Variants in ZNF496 observed in about 807,000 individuals in gnomAD.
ZNF496 encodes the protein zinc finger protein 496, also known as NSD1 (nuclear receptor binding SET-domain containing 1)-interacting zinc finger protein 1.
In ZNF496, 11 loss-of-function variants were observed where a neutral mutation model predicts 58.9. That is an observed-to-expected ratio of 0.19 (90% CI 0.12 to 0.31). The LOEUF is 0.31. ZNF496 is among the 10% of genes least tolerant of loss of function. ZNF496 has a pLI of 1.00. For missense variants in ZNF496, 660 were observed against 783.0 expected, an observed-to-expected ratio of 0.84 and a Z score of 1.88; for synonymous variants, 338 against 318.2, an observed-to-expected ratio of 1.06 and a Z score of -0.66.
intron 6 of ZNF496, among the ~76,000 whole-genome samples, chr1:247,314,850 G>A (rs765124424): frequency 4.6e-5 from 7 of 152,210 alleles, no homozygotes; most frequent in South Asian, 2.1e-4. Flanking sequence ...AGGTTCAAAT[G>A]ATTTTTGGGC....
Position 247,309,350 on chromosome 1 carries a change from A to G in ZNF496, c.892+349T>C. The G allele has an allele frequency of 7.3e-6, 8 of 1,095,370 alleles. No homozygotes were observed. Among genetic ancestry groups the G allele is most frequent in the Non-Finnish European group, 8.9e-6 (8 of 896,258 alleles). 67.9% of individuals were successfully genotyped at this position (1,095,370 alleles called of 1,614,324 possible). ...TGCGCTCGGTGCCCAGTTAGGAGACACTCCCTCTGCAACTAGGCTTGTCAT... is the reference window on the plus strand; with the variant it reads ...TGCGCTCGGTGCCCAGTTAGGAGACGCTCCCTCTGCAACTAGGCTTGTCAT... On this transcript the variant is annotated intron_variant, in intron 8 of 9. Transcript: ENST00000682384. This position sits in a 1 kb window ranked among gnomAD's most constrained non-coding sequence, Gnocchi z 4.3.
rs1426300323 is a variant in ZNF496 at position 247,329,282 on chromosome 1, C to T, written c.297G>A (p.Gln99=). ...CAGGCTCCTGCGCCCGCACCCAGCT[C>T]TGGATCTCCCGGGGCAGGATGGCCA... ...QFLAILPREI[Q]SWVRAQEPES... Residue 99 remains glutamine, a synonymous_variant, in exon 4 of 10, where the codon CAG becomes CAA. Coordinates refer to ENST00000682384, the MANE Select transcript of ZNF496 (RefSeq NM_032752.3). This position sits in a 1 kb window ranked among gnomAD's most constrained non-coding sequence, Gnocchi z 5.5. 1 of 1,613,696 alleles carries T rather than the reference C, an allele frequency of 6.2e-7. No individual in the cohort carries two copies. Among genetic ancestry groups the T allele is most frequent in the Admixed American group, 1.7e-5 (1 of 60,024 alleles).
rs868422521 is a variant in ZNF496, at chr1:247,300,791, C to G, written c.1492G>C (p.Glu498Gln). 4 of 1,601,578 alleles carry G rather than the reference C, an allele frequency of 2.5e-6. No homozygotes were observed. The highest frequency in any genetic ancestry group is 3.4e-5 in the Admixed American group (2 of 59,522). Residue 498 changes from glutamate (E) to glutamine (Q), a missense_variant, in exon 10 of 10, where the codon GAG becomes CAG. Physicochemically the swap from Glu to Gln is conservative, Grantham distance 29. Coordinates refer to ENST00000682384, the MANE Select transcript of ZNF496 (RefSeq NM_032752.3). The surrounding 1 kb of genome is among the most constrained non-coding windows in gnomAD (Gnocchi z 5.7). ...TCCGCGTCCTCGGATGCCGCCTGCTCTCTCTTCTCCACCGGCTGGAGTCTG... is the reference window on the plus strand; with the variant it reads ...TCCGCGTCCTCGGATGCCGCCTGCTGTCTCTTCTCCACCGGCTGGAGTCTG... ...PDRLQPVEKR[E>Q]QAASEDADKG...
chr1:247,308,600 AGGAAAT>A lies in ZNF496; in HGVS notation c.893-18_893-13del. ...GAGACTTGGAGAGTCTTTCCAGAGGAGGAAATGGAAAAATTGATTTGTTTTGCACCT... is the reference window on the plus strand; with the variant it reads ...GAGACTTGGAGAGTCTTTCCAGAGGAGGAAAAATTGATTTGTTTTGCACCT... On this transcript the variant is annotated splice_polypyrimidine_tract_variant and intron_variant, in intron 8 of 9. Transcript: ENST00000682384. The surrounding 1 kb of genome is among the most constrained non-coding windows in gnomAD (Gnocchi z 4.5). 6.2e-7 allele frequency: 1 copy of A among 1,611,772 alleles called. No individual in the cohort carries two copies. The highest frequency in any genetic ancestry group is 8.5e-7 in the Non-Finnish European group (1 of 1,178,002).
At chr1:247,315,604 T>C (rs1659742790) in intron 6 of ZNF496, among the ~76,000 whole-genome samples, 1 of 151,416 alleles carries the variant, frequency 6.6e-6, no homozygotes, top group South Asian at 2.1e-4. Context: ...TGCATCTAAC[T>C]GAAGATTTGG....
intron 9 of ZNF496, among the ~76,000 whole-genome samples, chr1:247,301,766 A>G (rs964282537): frequency 3.9e-5 from 6 of 152,170 alleles, no homozygotes; most frequent in African/African-American, 1.4e-4. Flanking sequence ...TAGACTTGAC[A>G]TGCACATTCC....
chr1:247,300,356 A>G lies in ZNF496; in HGVS notation c.*163T>C. ...CTCTTTCATTACCTGGGGGAGGGAG[A>G]GTGCTCCCATGGCACCACCCGAACG... On this transcript the variant is annotated 3_prime_UTR_variant, in exon 10 of 10. Transcript: ENST00000682384. This position sits in a 1 kb window ranked among gnomAD's most constrained non-coding sequence, Gnocchi z 5.7. The G allele has an allele frequency of 1.6e-6, 1 of 638,804 alleles. No individual in the cohort carries two copies. Among genetic ancestry groups the G allele is most frequent in the Non-Finnish European group, 2.5e-6 (1 of 407,050 alleles). The allele number at this position is 638,804 out of a possible 1,614,324, so 39.6% of individuals were successfully genotyped here.
chr1:247,298,199 C>T lies in ZNF496; in HGVS notation c.*2320G>A, dbSNP rs963404737. 22 of 152,180 alleles carry T rather than the reference C, an allele frequency of 1.4e-4. No individual in the cohort carries two copies. Among genetic ancestry groups the T allele is most frequent in the African/African-American group, 4.6e-4 (19 of 41,448 alleles). The allele number at this position is 152,180 out of a possible 1,614,324, so 9.4% of individuals were successfully genotyped here. A position where few individuals can be genotyped will look rare whatever the true frequency, so the allele number is the denominator to read the frequency against. On this transcript the variant is annotated 3_prime_UTR_variant, in exon 10 of 10. Coordinates refer to ENST00000682384, the MANE Select transcript of ZNF496 (RefSeq NM_032752.3). ...CTATTTAGAAAGTAAAAGCCTCAAC[C>T]GTTTATTTTGTGTTCAAAGTATAAC...
At position 247,310,899 on chromosome 1, in the gene ZNF496, T is replaced by C. The variant is rs181240542; in HGVS notation, c.652-443A>G. 8.3e-5 allele frequency: 13 copies of C among 156,770 alleles called. No homozygotes were observed. In the East Asian group the frequency reaches 2.4e-3, roughly 29 times the overall value. The allele number at this position is 156,770 out of a possible 1,614,324, so 9.7% of individuals were successfully genotyped here. On this transcript the variant is annotated intron_variant, in intron 6 of 9. Coordinates refer to ENST00000682384, the MANE Select transcript of ZNF496 (RefSeq NM_032752.3). Reference sequence around the variant, plus strand: ...TGCCCCTGGTTCCCCCAAATTCATATCCTTTTCACATGCCAAACAAATTCA... The same window carrying C: ...TGCCCCTGGTTCCCCCAAATTCATACCCTTTTCACATGCCAAACAAATTCA...
chr1:247,310,219 G>A (rs1307614166), intron 7 of ZNF496, 105 bp downstream of exon 7: 1 of 1,542,852 alleles, frequency 6.5e-7, no homozygotes, highest in African/African-American at 1.4e-5. Flanking sequence ...TCTGATGCAG[G>A]CCCCGCTTCC....
At chr1:247,310,229 C>T in intron 7 of ZNF496, 95 bp downstream of exon 7, 1 of 1,568,728 alleles carries the variant, frequency 6.4e-7, no homozygotes, top group Middle Eastern at 2.3e-4. Context: ...GCCCCGCTTC[C>T]CTGATCCTAT....
chr1:247,325,870 A>G (rs1254573928), intron 5 of ZNF496, among the ~76,000 whole-genome samples: 3 of 151,988 alleles, frequency 2.0e-5, no homozygotes, highest in African/African-American at 7.3e-5. Flanking sequence ...ATATTCATAT[A>G]TATATGAATG....
In ZNF496 at chr1:247,308,207, T is replaced by C. The variant is rs1037728899; in HGVS notation, c.1006+268A>G. The stretch of plus-strand genomic sequence containing the variant: ...GCAGCTAAGAACACCACAGCAGAGG[T>C]CGGCGGGGATCCTGAGGGGTTCAGT... On this transcript the variant is annotated intron_variant, in intron 9 of 9. Transcript: ENST00000682384. The surrounding 1 kb of genome is among the most constrained non-coding windows in gnomAD (Gnocchi z 4.5). 5.3e-5 allele frequency among the ~76,000 whole-genome samples: 8 copies of C among 151,686 alleles called. No homozygotes were observed. The highest frequency in any genetic ancestry group is 1.2e-4 in the Non-Finnish European group (8 of 67,936).
intron 9 of ZNF496, among the ~76,000 whole-genome samples, chr1:247,305,926 CA>C (rs1659392270): frequency 6.6e-6 from 1 of 152,092 alleles, no homozygotes; most frequent in Admixed American, 6.5e-5. Flanking sequence ...AAAAACAAAA[CA>C]AAACAAAACA....
In ZNF496 at chr1:247,298,696, G is replaced by A. The variant is rs1659151647; in HGVS notation, c.*1823C>T. 6.6e-6 allele frequency: 1 copy of A among 152,286 alleles called. No individual in the cohort carries two copies. Among genetic ancestry groups the A allele is most frequent in the Non-Finnish European group, 1.5e-5 (1 of 68,088 alleles). 9.4% of individuals were successfully genotyped at this position (152,286 alleles called of 1,614,324 possible). On this transcript the variant is annotated 3_prime_UTR_variant, in exon 10 of 10. Transcript: ENST00000682384. ...CTGACTTACTGTCTGTTGGTAGGATGTGACATATGAATAATACAAAATACC... is the reference window on the plus strand; with the variant it reads ...CTGACTTACTGTCTGTTGGTAGGATATGACATATGAATAATACAAAATACC...
Position 247,300,285 on chromosome 1 carries a change from C to T in ZNF496, c.*234G>A. The stretch of plus-strand genomic sequence containing the variant: ...CATGTCCAACCTGGTGATGGCACAT[C>T]CCCCCCGTTTTTTGGCACAGCAGAA... On this transcript the variant is annotated 3_prime_UTR_variant, in exon 10 of 10. Transcript: ENST00000682384. This position sits in a 1 kb window ranked among gnomAD's most constrained non-coding sequence, Gnocchi z 5.7. 2.4e-6 allele frequency: 1 copy of T among 421,980 alleles called. No individual in the cohort carries two copies. Among genetic ancestry groups the T allele is most frequent in the Non-Finnish European group, 4.2e-6 (1 of 239,104 alleles). The allele number at this position is 421,980 out of a possible 1,614,324, so 26.1% of individuals were successfully genotyped here. A position where few individuals can be genotyped will look rare whatever the true frequency, so the allele number is the denominator to read the frequency against.
chr1:247,327,122 T>C (rs1016962263), intron 5 of ZNF496, among the ~76,000 whole-genome samples: 1 of 152,194 alleles, frequency 6.6e-6, no homozygotes, highest in Non-Finnish European at 1.5e-5. Context: ...TGGAATGCAA[T>C]GGCGTGATCT....
chr1:247,331,467 A>C lies in ZNF496; in HGVS notation c.-189T>G, dbSNP rs1660325602. On this transcript the variant is annotated 5_prime_UTR_variant, in exon 2 of 10. Coordinates refer to ENST00000682384, the MANE Select transcript of ZNF496 (RefSeq NM_032752.3). ...GGAGCTCCCTCCCGGCGTCCGGCCG[A>C]AAACCCTCCTGTGGCGGCGGAAGTC... is the stretch of plus-strand genomic sequence containing the variant. The C allele has an allele frequency of 6.6e-6, 1 of 152,072 alleles. No individual in the cohort carries two copies. Among genetic ancestry groups the C allele is most frequent in the South Asian group, 2.1e-4 (1 of 4,826 alleles). 9.4% of individuals were successfully genotyped at this position (152,072 alleles called of 1,614,324 possible).
chr1:247,315,341 C>A (rs1452676330), intron 6 of ZNF496, among the ~76,000 whole-genome samples: 2 of 152,006 alleles, frequency 1.3e-5, no homozygotes, highest in African/African-American at 4.8e-5. Context: ...TGAGTCTAAC[C>A]CCACCTGAGG....
Sources: gnomAD v4.1 joint callset for allele counts (sites outside exome capture counted in the v4.1 genomes callset) on GRCh38, gnomAD v4.1.1 for gene constraint, Gnocchi (gnomAD v3.1) non-coding constraint, MANE v1.5 for transcripts, NCBI Gene and HGNC (gene_info 2026-07-23, HGNC 2026-07-21) for gene names.